The following PDE4D variants were observed in gnomAD, a reference collection of about 807,000 sequenced individuals.
PDE4D encodes 3',5'-cyclic-AMP phosphodiesterase 4D.
In PDE4D, 24 loss-of-function variants were observed where a neutral mutation model predicts 87.4. That is an observed-to-expected ratio of 0.27 (90% CI 0.20 to 0.39). The LOEUF is 0.39. PDE4D is among the 10% of genes least tolerant of loss of function. The probability of loss-of-function intolerance (pLI) is 1.00; values close to 1 mark genes in which losing one functional copy is unlikely to be tolerated. For missense variants in PDE4D, 714 were observed against 1,041.0 expected (o/e 0.69, Z 4.32); for synonymous variants, 384 against 383.2 (o/e 1.00, Z -0.02).
intron 1 of PDE4D, among the ~76,000 whole-genome samples, chr5:59,337,531 G>A (rs956333728): frequency 6.6e-6 from 1 of 152,054 alleles, no homozygotes; most frequent in African/African-American, 2.4e-5. Flanking sequence ...TTACCATGCA[G>A]TAGACACTGT....
intron 1 of PDE4D, among the ~76,000 whole-genome samples, chr5:60,479,314 G>A (rs1221038560): frequency 6.6e-6 from 1 of 152,148 alleles, no homozygotes; most frequent in Non-Finnish European, 1.5e-5. Flanking sequence ...GTTATGTACT[G>A]ATCACACTAG....
chr5:59,751,338 T>C (rs1760425441), intron 1 of PDE4D, among the ~76,000 whole-genome samples: 1 of 152,168 alleles, frequency 6.6e-6, no homozygotes, highest in African/African-American at 2.4e-5. Flanking sequence ...TGTGTATCTA[T>C]TTCAGAAGGA....
chr5:59,218,411 C>T (rs921431856), intron 1 of PDE4D, among the ~76,000 whole-genome samples: 1 of 151,982 alleles, frequency 6.6e-6, no homozygotes, highest in African/African-American at 2.4e-5. Flanking sequence ...TCTTAACACT[C>T]CACTATAAGT....
intron 1 of PDE4D, among the ~76,000 whole-genome samples, chr5:59,402,521 C>G (rs1790842883): frequency 6.6e-6 from 1 of 152,060 alleles, no homozygotes; most frequent in Non-Finnish European, 1.5e-5. Flanking sequence ...CAGTTAGTGA[C>G]CATGTTAAAC....
chr5:59,488,557 C>G (rs909241218), intron 1 of PDE4D, among the ~76,000 whole-genome samples: 1 of 152,080 alleles, frequency 6.6e-6, no homozygotes, highest in African/African-American at 2.4e-5. Flanking sequence ...TAGCTGTGCA[C>G]ACTGTGCTTA....
chr5:59,188,032 G>A (rs1207037349), intron 3 of PDE4D, among the ~76,000 whole-genome samples: 4 of 152,110 alleles, frequency 2.6e-5, no homozygotes, highest in Non-Finnish European at 5.9e-5. Flanking sequence ...ACTGCAGGCT[G>A]TGGGGAGAAC....
intron 1 of PDE4D, among the ~76,000 whole-genome samples, chr5:59,375,691 G>A (rs1471984190): frequency 6.6e-6 from 1 of 152,098 alleles, no homozygotes; most frequent in Non-Finnish European, 1.5e-5. Flanking sequence ...CATTCTACAA[G>A]GCCAGCATCT....
chr5:59,310,347 A>G (rs1175165179), intron 1 of PDE4D, among the ~76,000 whole-genome samples: 1 of 152,136 alleles, frequency 6.6e-6, no homozygotes, highest in Non-Finnish European at 1.5e-5. Flanking sequence ...ATATCATGCA[A>G]CTTCTTTCTC....
At chr5:59,040,930 T>G (rs1580467723) in intron 5 of PDE4D, among the ~76,000 whole-genome samples, 2 of 152,350 alleles carry the variant, frequency 1.3e-5, no homozygotes, top group South Asian at 4.1e-4. Flanking sequence ...TTGTAAAAGT[T>G]AGAGTAACTT....
In PDE4D at chr5:59,156,797, A is replaced by G. The variant is rs576177528; in HGVS notation, c.808+23798T>C. 2.6e-4 allele frequency among the ~76,000 whole-genome samples: 39 copies of G among 152,284 alleles called. No homozygotes were observed. In the East Asian group the frequency reaches 7.3e-3, roughly 29 times the overall value. ...ACAGCGAAATTTTCAGGACTCATTT[A>G]CTAACCATATTCTAGCTAAAAGAGA... On this transcript the variant is annotated intron_variant, in intron 5 of 14. Transcript: ENST00000340635.
At chr5:59,092,045 T>C (rs1169909807) in intron 5 of PDE4D, among the ~76,000 whole-genome samples, 2 of 152,208 alleles carry the variant, frequency 1.3e-5, no homozygotes, top group Non-Finnish European at 2.9e-5. Flanking sequence ...AAGTCTGGTT[T>C]AACTGAAATT....
chr5:58,990,374 A>ATATT (rs1281054133), intron 9 of PDE4D, among the ~76,000 whole-genome samples: 2 of 152,178 alleles, frequency 1.3e-5, no homozygotes, highest in African/African-American at 4.8e-5. Flanking sequence ...AGGGTCAATA[A>ATATT]GAGAGAGAAA....
intron 1 of PDE4D, among the ~76,000 whole-genome samples, chr5:59,851,886 TA>T (rs1744725340): frequency 6.6e-6 from 1 of 151,996 alleles, no homozygotes; most frequent in South Asian, 2.1e-4. Context: ...CAGCTCCACA[TA>T]AGGACCGCAG....
chr5:59,340,090 C>A (rs1404405010), intron 1 of PDE4D, among the ~76,000 whole-genome samples: 1 of 152,138 alleles, frequency 6.6e-6, no homozygotes, highest in African/African-American at 2.4e-5. Flanking sequence ...TTGATGAGCA[C>A]TTTTGCATTG....
intron 2 of PDE4D, among the ~76,000 whole-genome samples, chr5:59,202,858 G>A (rs559028824): frequency 6.6e-6 from 1 of 152,224 alleles, no homozygotes; most frequent in East Asian, 1.9e-4. Flanking sequence ...TTTGTAAATT[G>A]CCCAGTCTCA....
intron 2 of PDE4D, among the ~76,000 whole-genome samples, chr5:60,050,343 G>T (rs1769968727): frequency 6.6e-6 from 1 of 152,074 alleles, no homozygotes; most frequent in Non-Finnish European, 1.5e-5. Flanking sequence ...CTCTCACTGG[G>T]AGTTGTAGAC....
chr5:59,947,857 A>C (rs992692380), intron 3 of PDE4D, among the ~76,000 whole-genome samples: 1 of 152,144 alleles, frequency 6.6e-6, no homozygotes. Flanking sequence ...AAATACAAAA[A>C]TTAGCTGAGC....
chr5:60,070,453 G>T (rs907788958), intron 2 of PDE4D, among the ~76,000 whole-genome samples: 18 of 152,006 alleles, frequency 1.2e-4, no homozygotes, highest in Non-Finnish European at 1.9e-4. Context: ...ATCTTGAGAT[G>T]ATCACATGTT....
intron 1 of PDE4D, among the ~76,000 whole-genome samples, chr5:60,223,658 T>C (rs934072244): frequency 6.6e-6 from 1 of 152,032 alleles, no homozygotes; most frequent in Non-Finnish European, 1.5e-5. Context: ...TGTAAAAGAA[T>C]AAATGGACAC....
Sources: allele counts gnomAD v4.1 joint callset (sites outside exome capture counted in the v4.1 genomes callset), GRCh38; gene constraint gnomAD v4.1.1; transcripts MANE v1.5; gene names NCBI Gene and HGNC (gene_info 2026-07-23, HGNC 2026-07-21).